TRIM33: variants seen among roughly 807,000 people sequenced by gnomAD.
TRIM33 encodes E3 ubiquitin-protein ligase TRIM33.
Under a neutral mutation model 125.4 loss-of-function variants are expected in TRIM33, and 20 were observed. The observed-to-expected ratio is 0.16, with a 90% CI of 0.11 to 0.23. TRIM33 has a LOEUF of 0.23. Among genes scored for constraint, TRIM33 ranks in the 10% least tolerant of loss-of-function variants. TRIM33 has a pLI of 1.00. For synonymous variants in TRIM33, 564 were observed against 513.9 expected (o/e 1.10, Z -1.32); for missense variants, 920 against 1,411.4 (o/e 0.65, Z 5.58).
intron 4 of TRIM33, among the ~76,000 whole-genome samples, chr1:114,447,337 G>A (rs980109634): frequency 6.6e-6 from 1 of 152,054 alleles, no homozygotes; most frequent in Admixed American, 6.5e-5. Flanking sequence ...TTTGGATTTG[G>A]GTATGAGAAA....
At chr1:114,415,946 T>TAA (rs34898099) in intron 11 of TRIM33, among the ~76,000 whole-genome samples, 2,344 of 91,392 alleles carry the variant, frequency 0.026, 27 homozygotes, top group Middle Eastern at 0.042. Flanking sequence ...AGACTCCATC[T>TAA]AAAAAAAAAA....
chr1:114,395,490 G>C lies in TRIM33; in HGVS notation c.*2158C>G. 5.0e-6 allele frequency: 1 copy of C among 199,782 alleles called. No individual in the cohort carries two copies. Among genetic ancestry groups the C allele is most frequent in the Non-Finnish European group, 1.0e-5 (1 of 96,620 alleles). 12.4% of individuals were successfully genotyped at this position (199,782 alleles called of 1,614,324 possible). On this transcript the variant is annotated 3_prime_UTR_variant, in exon 20 of 20. Transcript: ENST00000358465. The stretch of plus-strand genomic sequence containing the variant: ...ACAATTTTTTTAAAAGGATCCATTT[G>C]AAGAGCAATACAAAATATTAGAACT...
Position 114,396,049 on chromosome 1 carries a change from A to G in TRIM33, c.*1599T>C. 1 of 199,620 alleles carries G rather than the reference A, an allele frequency of 5.0e-6. No individual in the cohort carries two copies. Among genetic ancestry groups the G allele is most frequent in the Non-Finnish European group, 1.0e-5 (1 of 96,550 alleles). 12.4% of individuals were successfully genotyped at this position (199,620 alleles called of 1,614,324 possible). On this transcript the variant is annotated 3_prime_UTR_variant, in exon 20 of 20. Transcript: ENST00000358465. Reference sequence around the variant, plus strand: ...TGCTTAAATGAATTTTTAAAAAGGCAAATAAATGATTTGCCACAAATCTGC... The same window carrying G: ...TGCTTAAATGAATTTTTAAAAAGGCGAATAAATGATTTGCCACAAATCTGC...
At chr1:114,498,263 C>T (rs1216965627) in intron 1 of TRIM33, among the ~76,000 whole-genome samples, 3 of 151,104 alleles carry the variant, frequency 2.0e-5, no homozygotes, top group African/African-American at 7.3e-5. Flanking sequence ...GGAAGAAAAA[C>T]ATTTGTATCC....
At chr1:114,502,488 T>C (rs899543429) in intron 1 of TRIM33, among the ~76,000 whole-genome samples, 1 of 152,220 alleles carries the variant, frequency 6.6e-6, no homozygotes, top group African/African-American at 2.4e-5. Flanking sequence ...TTTAAAATGT[T>C]AAAATGACGT....
chr1:114,464,980 G>A (rs1650202933), intron 1 of TRIM33, among the ~76,000 whole-genome samples: 2 of 152,166 alleles, frequency 1.3e-5, no homozygotes, highest in South Asian at 4.1e-4. Context: ...CACCACTTTT[G>A]ACTTTAGCCC....
intron 4 of TRIM33, among the ~76,000 whole-genome samples, chr1:114,453,736 A>G (rs116365218): frequency 0.01 from 1,550 of 152,238 alleles, 25 homozygotes; most frequent in African/African-American, 0.035. Flanking sequence ...TGTCCTGGAG[A>G]CTGAGGTCTA....
chr1:114,504,268 C>A lies in TRIM33; in HGVS notation c.526+6283G>T, dbSNP rs532482563. Among the ~76,000 whole-genome samples, 20 of 152,202 alleles carry A rather than the reference C, an allele frequency of 1.3e-4. No individual in the cohort carries two copies. The South Asian group carries it at 3.9e-3, about 30-fold the overall frequency. ...CAGCCTCGACACTCCGTGCCTCAGGCAATTCTCCCACTTCAGTCTCCTGAG... is the reference window on the plus strand; with the variant it reads ...CAGCCTCGACACTCCGTGCCTCAGGAAATTCTCCCACTTCAGTCTCCTGAG... On this transcript the variant is annotated intron_variant, in intron 1 of 19. Transcript: ENST00000358465.
chr1:114,445,617 A>C (rs897496895), intron 4 of TRIM33, among the ~76,000 whole-genome samples: 2 of 152,190 alleles, frequency 1.3e-5, no homozygotes, highest in African/African-American at 4.8e-5. Context: ...CACAGAGGAT[A>C]AACAGAAAGA....
chr1:114,465,636 A>G (rs1650246830), intron 1 of TRIM33, among the ~76,000 whole-genome samples: 1 of 152,204 alleles, frequency 6.6e-6, no homozygotes, highest in South Asian at 2.1e-4. Flanking sequence ...CGCCATCTCT[A>G]ATTTTAAAAT....
At chr1:114,430,101 T>C (rs6658339) in intron 6 of TRIM33, among the ~76,000 whole-genome samples, 3,994 of 151,888 alleles carry the variant, frequency 0.026, 93 homozygotes, top group Non-Finnish European at 0.034. Flanking sequence ...TAAGGTAAAA[T>C]ACACAAATGA....
chr1:114,487,664 G>A (rs1372830853), intron 1 of TRIM33, among the ~76,000 whole-genome samples: 1 of 151,488 alleles, frequency 6.6e-6, no homozygotes, highest in Non-Finnish European at 1.5e-5. Flanking sequence ...TTGGGAGGCC[G>A]AGGCGGGTGG....
intron 4 of TRIM33, among the ~76,000 whole-genome samples, chr1:114,452,433 C>A (rs1228734756): frequency 6.6e-6 from 1 of 151,856 alleles, no homozygotes; most frequent in Non-Finnish European, 1.5e-5. Flanking sequence ...ACACTCCAGC[C>A]TGGCAACAGA....
chr1:114,492,912 G>T (rs1049970833), intron 1 of TRIM33, among the ~76,000 whole-genome samples: 1 of 151,970 alleles, frequency 6.6e-6, no homozygotes, highest in African/African-American at 2.4e-5. Flanking sequence ...AATTCTTTTG[G>T]GTCACAGATA....
At chr1:114,503,950 C>T (rs906414768) in intron 1 of TRIM33, among the ~76,000 whole-genome samples, 2 of 152,196 alleles carry the variant, frequency 1.3e-5, no homozygotes, top group African/African-American at 4.8e-5. Flanking sequence ...CTTCCACTTT[C>T]TTCCGCAGCA....
chr1:114,457,108 T>C (rs1407495720), intron 4 of TRIM33, among the ~76,000 whole-genome samples: 2 of 152,146 alleles, frequency 1.3e-5, no homozygotes, highest in Non-Finnish European at 2.9e-5. Context: ...CTTGCTCCTA[T>C]CAATAAAACT....
intron 11 of TRIM33, among the ~76,000 whole-genome samples, chr1:114,416,446 C>T (rs759648875): frequency 1.3e-5 from 2 of 152,168 alleles, no homozygotes; most frequent in African/African-American, 2.4e-5. Context: ...CTAACTATAT[C>T]ACCATTAATA....
intron 18 of TRIM33, among the ~76,000 whole-genome samples, chr1:114,398,853 T>C (rs567771914): frequency 1.5e-5 from 2 of 136,152 alleles, no homozygotes; most frequent in African/African-American, 5.7e-5. Context: ...GAAACAGGTA[T>C]ATAATACATT....
At chr1:114,451,806 T>C (rs571319158) in intron 4 of TRIM33, among the ~76,000 whole-genome samples, 30 of 152,242 alleles carry the variant, frequency 2.0e-4, no homozygotes, top group African/African-American at 7.0e-4. Context: ...TTAAAAGATA[T>C]ACACACAAAA....
Sources: allele counts gnomAD v4.1 joint callset (sites outside exome capture counted in the v4.1 genomes callset), GRCh38; gene constraint gnomAD v4.1.1; transcripts MANE v1.5; gene names NCBI Gene and HGNC (gene_info 2026-07-23, HGNC 2026-07-21).